Variants in TRPM3 observed in about 807,000 individuals in gnomAD.
The protein encoded by TRPM3 is transient receptor potential cation channel subfamily M member 3.
A neutral mutation model predicts 181.2 loss-of-function variants in TRPM3; 77 were observed. That is an observed-to-expected ratio of 0.42 (90% CI 0.35 to 0.51). TRPM3 has a LOEUF of 0.51. Among genes scored for constraint, TRPM3 ranks in the 20% least tolerant of loss-of-function variants. The pLI, the probability that TRPM3 is intolerant of heterozygous loss-of-function variation, is 0.01. For synonymous variants in TRPM3, 745 were observed against 796.4 expected (o/e 0.94, Z 1.09); for missense variants, 1,759 against 2,196.7 (o/e 0.80, Z 3.98).
chr9:70,938,060 C>T (rs1482118321), intron 1 of TRPM3, among the ~76,000 whole-genome samples: 1 of 152,132 alleles, frequency 6.6e-6, no homozygotes, highest in Admixed American at 6.5e-5. Context: ...TTCAGGACTT[C>T]GAAATCTGTT....
chr9:70,606,651 G>GTGTGTGTGTATATA (rs145779027), intron 19 of TRPM3, among the ~76,000 whole-genome samples: 3 of 140,682 alleles, frequency 2.1e-5, no homozygotes, highest in Admixed American at 7.4e-5. Context: ...GTGTGTGTGT[G>GTGTGTGTGTATATA]TATATATATA....
At position 70,671,929 on chromosome 9, in the gene TRPM3, A is replaced by AG. The variant is rs756835607; in HGVS notation, c.1345+9576_1345+9577insC. Among the ~76,000 whole-genome samples, 45 of 98,532 alleles carry AG rather than the reference A, an allele frequency of 4.6e-4. 3 individuals carry two copies. The highest frequency in any genetic ancestry group is 1.4e-3 in the Admixed American group (16 of 11,632). The allele number at this position is 98,532 out of a possible 152,430, so 64.6% of individuals were successfully genotyped here. On this transcript the variant is annotated intron_variant, in intron 9 of 25. Transcript: ENST00000677713. The stretch of plus-strand genomic sequence containing the variant: ...CAGGCATGTGCCACCATGTCCAGCT[A>AG]ATTTTTTTTTTTTTTTTTTAAGTAG...
chr9:70,921,482 A>G (rs1212597249), intron 1 of TRPM3, among the ~76,000 whole-genome samples: 2 of 152,146 alleles, frequency 1.3e-5, no homozygotes, highest in African/African-American at 4.8e-5. Flanking sequence ...CACTTCCACA[A>G]CCTTGAATAG....
intron 9 of TRPM3, among the ~76,000 whole-genome samples, chr9:70,640,903 A>T (rs1396343600): frequency 6.6e-6 from 1 of 152,192 alleles, no homozygotes; most frequent in Non-Finnish European, 1.5e-5. Flanking sequence ...TTTAAAAAGA[A>T]GGTCTTTGAA....
intron 1 of TRPM3, among the ~76,000 whole-genome samples, chr9:70,869,933 G>A (rs2095753392): frequency 6.6e-6 from 1 of 152,034 alleles, no homozygotes; most frequent in Non-Finnish European, 1.5e-5. Context: ...GATTGGATAA[G>A]TGAACAAACT....
At chr9:71,420,575 A>G (rs1338619937) in intron 1 of TRPM3, among the ~76,000 whole-genome samples, 1 of 150,018 alleles carries the variant, frequency 6.7e-6, no homozygotes, top group Non-Finnish European at 1.5e-5. Flanking sequence ...AAAAGAGAAG[A>G]GAAAGAGAAA....
At chr9:70,552,588 C>G (rs2046732653) in intron 24 of TRPM3, among the ~76,000 whole-genome samples, 1 of 152,190 alleles carries the variant, frequency 6.6e-6, no homozygotes, top group Admixed American at 6.5e-5. Flanking sequence ...AATAGCCCTG[C>G]TGGAGACTGA....
intron 1 of TRPM3, among the ~76,000 whole-genome samples, chr9:71,365,321 T>C (rs2092299586): frequency 1.3e-5 from 2 of 152,234 alleles, no homozygotes; most frequent in Non-Finnish European, 1.5e-5. Flanking sequence ...GTAAAGATTA[T>C]AATGAAAAAT....
At chr9:70,987,257 G>T (rs1321280135) in intron 1 of TRPM3, among the ~76,000 whole-genome samples, 1 of 152,016 alleles carries the variant, frequency 6.6e-6, no homozygotes, top group Non-Finnish European at 1.5e-5. Flanking sequence ...ATACAGAATG[G>T]CTCAAAACTT....
chr9:71,236,672 T>A (rs2081367364), intron 1 of TRPM3, among the ~76,000 whole-genome samples: 1 of 152,126 alleles, frequency 6.6e-6, no homozygotes, highest in South Asian at 2.1e-4. Context: ...ACCACTCCCT[T>A]CAATAAATAC....
intron 1 of TRPM3, among the ~76,000 whole-genome samples, chr9:71,116,973 C>T (rs2072532582): frequency 6.6e-6 from 1 of 152,138 alleles, no homozygotes; most frequent in Non-Finnish European, 1.5e-5. Flanking sequence ...AATACCCTTT[C>T]TAGCCCGGGA....
chr9:71,224,561 G>C (rs2080459562), intron 1 of TRPM3, among the ~76,000 whole-genome samples: 1 of 151,966 alleles, frequency 6.6e-6, no homozygotes, highest in Non-Finnish European at 1.5e-5. Flanking sequence ...ACTAAATAAG[G>C]GACCAAGGGC....
chr9:71,271,479 T>A (rs781476127), intron 1 of TRPM3, among the ~76,000 whole-genome samples: 1 of 152,090 alleles, frequency 6.6e-6, no homozygotes, highest in Non-Finnish European at 1.5e-5. Flanking sequence ...CCAAAGCACA[T>A]AGGAGGTCGG....
At position 71,050,061 on chromosome 9, in the gene TRPM3, T is replaced by C. The variant is rs140940519; in HGVS notation, c.177+71117A>G. Among the ~76,000 whole-genome samples the C allele has an allele frequency of 2.0e-3, 303 of 152,266 alleles. 2 individuals are homozygous for C. The highest frequency in any genetic ancestry group is 6.0e-3 in the African/African-American group (248 of 41,550). On this transcript the variant is annotated intron_variant, in intron 1 of 25. Coordinates refer to ENST00000677713, the MANE Select transcript of TRPM3 (RefSeq NM_001366145.2). The stretch of plus-strand genomic sequence containing the variant: ...TCTTGCAGGTTATTATGGAATAATG[T>C]GAAATGAAATAACAACTGGACCCAG...
intron 6 of TRPM3, among the ~76,000 whole-genome samples, chr9:70,819,978 G>A (rs2093029403): frequency 6.6e-6 from 1 of 152,046 alleles, no homozygotes; most frequent in Non-Finnish European, 1.5e-5. Flanking sequence ...GAAAAAATCT[G>A]ATATTGACTC....
At chr9:70,591,289 C>G (rs762832597) in intron 21 of TRPM3, 84 bp from the exon 22 acceptor site, 2 of 1,217,970 alleles carry the variant, frequency 1.6e-6, no homozygotes, top group African/African-American at 1.5e-5. Flanking sequence ...ATGATGGGAA[C>G]CTTTGGAGGA....
chr9:70,691,431 G>A (rs1218984564), intron 8 of TRPM3, among the ~76,000 whole-genome samples: 1 of 152,192 alleles, frequency 6.6e-6, no homozygotes, highest in African/African-American at 2.4e-5. Flanking sequence ...AACATAGTCT[G>A]ATTTAGGTTA....
At chr9:70,677,051 G>A (rs1278996254) in intron 9 of TRPM3, among the ~76,000 whole-genome samples, 1 of 150,324 alleles carries the variant, frequency 6.7e-6, no homozygotes, top group Non-Finnish European at 1.5e-5. Flanking sequence ...AGCAAGTAAG[G>A]TAGGAGGCGG....
intron 1 of TRPM3, among the ~76,000 whole-genome samples, chr9:71,014,625 C>A (rs2097770030): frequency 6.6e-6 from 1 of 152,024 alleles, no homozygotes; most frequent in Non-Finnish European, 1.5e-5. Context: ...CATTTGGGCC[C>A]TGAATTCTAT....
Sources: allele counts gnomAD v4.1 joint callset (sites outside exome capture counted in the v4.1 genomes callset), GRCh38; gene constraint gnomAD v4.1.1; transcripts MANE v1.5; gene names NCBI Gene and HGNC (gene_info 2026-07-23, HGNC 2026-07-21).